The following CCDC191 variants were observed in gnomAD, a reference collection of about 807,000 sequenced individuals.
CCDC191 encodes the protein coiled-coil domain-containing protein 191.
Under a neutral mutation model 114.0 loss-of-function variants are expected in CCDC191, and 99 were observed. The observed-to-expected ratio is 0.87, with a 90% CI of 0.74 to 1.03. The LOEUF (loss-of-function observed/expected upper bound fraction) is 1.03, where lower values mean the gene tolerates loss of function less well. CCDC191 is among the 50% of genes least tolerant of loss of function. The pLI is 0.00. For synonymous variants in CCDC191, 351 were observed against 376.0 expected (o/e 0.93, Z 0.77); for missense variants, 973 against 1,087.0 (o/e 0.90, Z 1.47).
At chr3:114,000,340 G>A (rs939862765) in intron 13 of CCDC191, among the ~76,000 whole-genome samples, 1 of 152,122 alleles carries the variant, frequency 6.6e-6, no homozygotes, top group Non-Finnish European at 1.5e-5. Flanking sequence ...GTCTTCTCTT[G>A]CTCTTTGACT....
chr3:114,022,499 A>G (rs1035200938), intron 7 of CCDC191, among the ~76,000 whole-genome samples: 2 of 152,210 alleles, frequency 1.3e-5, no homozygotes, highest in African/African-American at 4.8e-5. Context: ...TAAGAGGACA[A>G]AAATGTCAAC....
At chr3:114,001,803 C>T (rs2075861660) in intron 12 of CCDC191, 107 bp from the exon 13 acceptor site, 18 of 1,346,666 alleles carry the variant, frequency 1.3e-5, no homozygotes, top group Non-Finnish European at 1.8e-5. Context: ...TGTCCTATCT[C>T]TGGAAGAAGT....
Position 114,056,431 on chromosome 3 carries a change from C to G in CCDC191, c.36G>C (p.Lys12Asn). 1 of 1,614,174 alleles carries G rather than the reference C, an allele frequency of 6.2e-7. No homozygotes were observed. The highest frequency in any genetic ancestry group is 1.1e-5 in the South Asian group (1 of 91,086). Residue 12 changes from lysine (K) to asparagine (N), a missense_variant, in exon 1 of 17, where the codon AAG becomes AAC. By Grantham distance (94) the Lys-to-Asn change is moderately conservative. Coordinates refer to ENST00000295878, the MANE Select transcript of CCDC191 (RefSeq NM_020817.2). The part of the protein sequence containing the change: ...LLAPQGRSFS[K>N]KRMGLNRWKR... Reference sequence around the variant, plus strand: ...TCCAGCGATTCAGCCCCATCCTTTTCTTTGAGAAGGACCTTCCCTGAGGCG... The same window carrying G: ...TCCAGCGATTCAGCCCCATCCTTTTGTTTGAGAAGGACCTTCCCTGAGGCG...
Position 114,006,144 on chromosome 3 carries a change from C to G in CCDC191, c.1414-182G>C. On this transcript the variant is annotated intron_variant, in intron 9 of 16. Transcript: ENST00000295878. ...ACCACTCTTAAAACATGCATTGCTG[C>G]TCACCATGAAAACTGGGAGAGTGGC... is the stretch of plus-strand genomic sequence containing the variant. 4 of 683,782 alleles carry G rather than the reference C, an allele frequency of 5.8e-6. 1 individual carries two copies. In the South Asian group the frequency reaches 6.2e-5, roughly 11 times the overall value. 42.4% of individuals were successfully genotyped at this position (683,782 alleles called of 1,614,324 possible).
At chr3:114,001,947 A>C (rs2075863870) in intron 12 of CCDC191, among the ~76,000 whole-genome samples, 1 of 152,214 alleles carries the variant, frequency 6.6e-6, no homozygotes, top group South Asian at 2.1e-4. Flanking sequence ...ATCTTTCATT[A>C]AAAAATGATT....
intron 7 of CCDC191, among the ~76,000 whole-genome samples, chr3:114,027,771 G>C (rs2076345767): frequency 6.6e-6 from 1 of 152,188 alleles, no homozygotes; most frequent in Non-Finnish European, 1.5e-5. Flanking sequence ...GAAACATTCT[G>C]AGGGTGCTGA....
intron 2 of CCDC191, among the ~76,000 whole-genome samples, chr3:114,050,922 T>A (rs1473401928): frequency 6.6e-6 from 1 of 152,158 alleles, no homozygotes; most frequent in African/African-American, 2.4e-5. Flanking sequence ...TAAATCATGG[T>A]GGACTGTTGC....
At position 114,011,010 on chromosome 3, in the gene CCDC191, AGTT is replaced by A. The variant is rs2076060551; in HGVS notation, c.1172_1174del (p.Gln391del). 3.1e-6 allele frequency: 5 copies of A among 1,611,058 alleles called. No individual in the cohort carries two copies. Among genetic ancestry groups the A allele is most frequent in the South Asian group, 2.2e-5 (2 of 90,932 alleles). On this transcript the variant is annotated inframe_deletion, in exon 9 of 17. Transcript: ENST00000295878. Reference sequence around the variant, plus strand: ...TTGTTTCCGGTTATACTCAGTGGCCAGTTGTTGTTTTCTAAGCAACAAAGCACT... The same window carrying A: ...TTGTTTCCGGTTATACTCAGTGGCCAGTTGTTTTCTAAGCAACAAAGCACT...
At chr3:114,005,463 A>C in intron 10 of CCDC191, 45 bp downstream of exon 10, 5 of 1,531,814 alleles carry the variant, frequency 3.3e-6, no homozygotes, top group Non-Finnish European at 4.4e-6. Context: ...CAAAGTGAAA[A>C]ACCCCTTAAA....
chr3:113,968,009 C>T (rs1438709565), intron 16 of CCDC191, among the ~76,000 whole-genome samples: 1 of 152,046 alleles, frequency 6.6e-6, no homozygotes, highest in Non-Finnish European at 1.5e-5. Context: ...GTGTATATAC[C>T]ATATTTTCTT....
At chr3:114,001,738 T>A in intron 12 of CCDC191, 42 bp from the exon 13 acceptor site, 1 of 1,610,142 alleles carries the variant, frequency 6.2e-7, no homozygotes. Flanking sequence ...ACCCTCAATT[T>A]GAACAGAAAT....
At chr3:113,991,266 C>G (rs542848003) in intron 13 of CCDC191, among the ~76,000 whole-genome samples, 3 of 142,412 alleles carry the variant, frequency 2.1e-5, no homozygotes, top group East Asian at 2.2e-4. Context: ...AAACCCCCCC[C>G]CCCAAAAACC....
chr3:114,042,875 T>C, intron 3 of CCDC191, 29 bp from the exon 4 acceptor site: 1 of 1,569,594 alleles, frequency 6.4e-7, no homozygotes, highest in African/African-American at 1.4e-5. Flanking sequence ...ATGTTAAGTA[T>C]TTCAGTTACT....
Position 114,013,249 on chromosome 3 carries a change from GA to G in CCDC191, c.1164-2229del, listed in dbSNP as rs537332724. On this transcript the variant is annotated intron_variant, in intron 8 of 16. Transcript: ENST00000295878. ...CAACAGAGTGAGACCCTGTGTCAAAGAAAAAAAAAAAAGTAAAAAAGAAAAA... is the reference window on the plus strand; with the variant it reads ...CAACAGAGTGAGACCCTGTGTCAAAGAAAAAAAAAAAGTAAAAAAGAAAAA... 4.1e-3 allele frequency among the ~76,000 whole-genome samples: 540 copies of G among 132,798 alleles called. 12 individuals are homozygous for G. In the East Asian group the frequency reaches 0.062, roughly 15 times the overall value. The allele number at this position is 132,798 out of a possible 152,430, so 87.1% of individuals were successfully genotyped here. A position where few individuals can be genotyped will look rare whatever the true frequency, so the allele number is the denominator to read the frequency against.
chr3:113,991,714 G>C (rs1413342745), intron 13 of CCDC191, among the ~76,000 whole-genome samples: 1 of 152,158 alleles, frequency 6.6e-6, no homozygotes, highest in South Asian at 2.1e-4. Flanking sequence ...GATTGGAAAG[G>C]AAGAAATAAT....
intron 13 of CCDC191, 21 bp downstream of exon 13, chr3:114,001,574 G>A: frequency 6.2e-7 from 1 of 1,613,062 alleles, no homozygotes; most frequent in Non-Finnish European, 8.5e-7. Flanking sequence ...TACAGGGACT[G>A]ACCAAATAGA....
chr3:114,042,636 CAATT>C (rs757366579), intron 4 of CCDC191, 63 bp downstream of exon 4: 103 of 1,286,320 alleles, frequency 8.0e-5, no homozygotes, highest in South Asian at 1.5e-4. Flanking sequence ...TTATTCAAAA[CAATT>C]AAAAGACTTC....
intron 8 of CCDC191, among the ~76,000 whole-genome samples, chr3:114,013,315 G>A (rs1559909339): frequency 6.6e-6 from 1 of 152,078 alleles, no homozygotes; most frequent in Non-Finnish European, 1.5e-5. Flanking sequence ...TGTGGTTTGA[G>A]GCAGAAAGGC....
intron 16 of CCDC191, among the ~76,000 whole-genome samples, chr3:113,971,490 G>A (rs895057914): frequency 2.6e-4 from 39 of 152,260 alleles, no homozygotes; most frequent in Admixed American, 1.3e-4. Flanking sequence ...TTATTGATTT[G>A]CATAAGTTGA....
Sources: gnomAD v4.1 joint callset for allele counts (sites outside exome capture counted in the v4.1 genomes callset) on GRCh38, gnomAD v4.1.1 for gene constraint, MANE v1.5 for transcripts, NCBI Gene and HGNC (gene_info 2026-07-23, HGNC 2026-07-21) for gene names.